MSI2: variants seen among roughly 807,000 people sequenced by gnomAD.
MSI2 encodes musashi RNA binding protein 2, also known as RNA-binding protein Musashi homolog 2.
Under a neutral mutation model 45.6 loss-of-function variants are expected in MSI2, and 17 were observed. That is an observed-to-expected ratio of 0.37 (90% CI 0.26 to 0.56). MSI2 has a LOEUF of 0.56. MSI2 is among the 20% of genes least tolerant of loss of function. MSI2 has a pLI of 0.77. For missense variants in MSI2, 293 were observed against 444.2 expected (o/e 0.66, Z 3.06); for synonymous variants, 156 against 158.2 (o/e 0.99, Z 0.11).
At chr17:57,517,301 T>G (rs1453549687) in intron 6 of MSI2, among the ~76,000 whole-genome samples, 2 of 152,194 alleles carry the variant, frequency 1.3e-5, no homozygotes, top group Non-Finnish European at 2.9e-5. Context: ...TTGGATGTCA[T>G]CAAAGCCCCA....
chr17:57,557,415 G>T (rs917980865), intron 7 of MSI2, among the ~76,000 whole-genome samples: 2 of 152,228 alleles, frequency 1.3e-5, no homozygotes, highest in Non-Finnish European at 2.9e-5. Context: ...AGGGGCCAAA[G>T]CCCCCTTTCC....
intron 5 of MSI2, among the ~76,000 whole-genome samples, chr17:57,332,939 C>T (rs1427621387): frequency 6.6e-6 from 1 of 151,986 alleles, no homozygotes; most frequent in African/African-American, 2.4e-5. Flanking sequence ...GCAGGAGAAT[C>T]GCTTGAACCT....
chr17:57,270,229 C>T (rs1199310647), intron 5 of MSI2, among the ~76,000 whole-genome samples: 2 of 152,162 alleles, frequency 1.3e-5, no homozygotes, highest in Admixed American at 6.5e-5. Flanking sequence ...TACACTTAGT[C>T]TTCTTTAATC....
chr17:57,340,463 AAT>A (rs2143785354), intron 5 of MSI2, among the ~76,000 whole-genome samples: 1 of 152,304 alleles, frequency 6.6e-6, no homozygotes, highest in South Asian at 2.1e-4. Flanking sequence ...GGCACTAACA[AAT>A]ATTAGTTCCT....
At chr17:57,499,414 G>GT (rs1335855740) in intron 6 of MSI2, among the ~76,000 whole-genome samples, 1 of 148,256 alleles carries the variant, frequency 6.7e-6, no homozygotes, top group East Asian at 2.0e-4. Flanking sequence ...GGGCAATTCT[G>GT]TATGCATTCT....
At chr17:57,402,018 C>G (rs1029359939) in intron 6 of MSI2, among the ~76,000 whole-genome samples, 4 of 152,176 alleles carry the variant, frequency 2.6e-5, no homozygotes, top group African/African-American at 7.2e-5. Flanking sequence ...AAAATTACCC[C>G]CTGGGCTCTG....
intron 11 of MSI2, among the ~76,000 whole-genome samples, chr17:57,657,213 C>T (rs952755903): frequency 3.9e-5 from 6 of 152,144 alleles, no homozygotes; most frequent in Admixed American, 6.5e-5. Context: ...TCGGAATGAA[C>T]AAGGATTGAA....
chr17:57,565,078 AC>A lies in MSI2; in HGVS notation c.455-31789del, dbSNP rs773979333. On this transcript the variant is annotated intron_variant, in intron 7 of 13. Transcript: ENST00000284073. ...CAGATGAGGAAACTGAGACTCAGAG[AC>A]ATGGTTACTTGCTGAAGACACAGAA... Among the ~76,000 whole-genome samples the A allele has an allele frequency of 2.2e-4, 34 of 152,310 alleles. 1 individual carries two copies. The East Asian group carries it at 3.3e-3, about 15-fold the overall frequency.
intron 5 of MSI2, among the ~76,000 whole-genome samples, chr17:57,350,602 C>T (rs1378830704): frequency 6.6e-6 from 1 of 152,142 alleles, no homozygotes; most frequent in African/African-American, 2.4e-5. Flanking sequence ...ACTGGCAGTG[C>T]CCTGATCACA....
At chr17:57,615,932 T>G in intron 8 of MSI2, 38 bp from the exon 9 acceptor site, 1 of 1,475,354 alleles carries the variant, frequency 6.8e-7, no homozygotes, top group Non-Finnish European at 9.5e-7. Flanking sequence ...TACGTGGAAT[T>G]CATTTGCATC....
At chr17:57,521,028 TA>T (rs1486473575) in intron 6 of MSI2, among the ~76,000 whole-genome samples, 2 of 152,118 alleles carry the variant, frequency 1.3e-5, no homozygotes, top group African/African-American at 4.8e-5. Flanking sequence ...GGGTTCAAAT[TA>T]AAATAAACAG....
intron 6 of MSI2, among the ~76,000 whole-genome samples, chr17:57,425,321 C>T (rs553590917): frequency 2.0e-5 from 3 of 152,192 alleles, no homozygotes; most frequent in East Asian, 1.9e-4. Flanking sequence ...TGTTTAAAAA[C>T]GAAAAGACAT....
In MSI2 at chr17:57,442,124, C is replaced by T. The variant is rs186851888; in HGVS notation, c.405+40653C>T. ...CGATCTCGGCTCACTGGGTCCTCCA[C>T]CTCCCGGGTTCAAGCGATTCTCCTG... is the stretch of plus-strand genomic sequence containing the variant. On this transcript the variant is annotated intron_variant, in intron 6 of 13. Coordinates refer to ENST00000284073, the MANE Select transcript of MSI2 (RefSeq NM_138962.4). Among the ~76,000 whole-genome samples the T allele has an allele frequency of 9.7e-4, 148 of 151,812 alleles. 1 individual carries two copies. Among genetic ancestry groups the T allele is most frequent in the East Asian group, 1.9e-4 (1 of 5,136 alleles).
At chr17:57,567,902 T>A (rs1229293663) in intron 7 of MSI2, among the ~76,000 whole-genome samples, 2 of 152,234 alleles carry the variant, frequency 1.3e-5, no homozygotes, top group African/African-American at 4.8e-5. Context: ...TAGCTTACAA[T>A]AAATACCTTT....
chr17:57,467,838 G>A lies in MSI2; in HGVS notation c.406-61838G>A, dbSNP rs561935471. Reference sequence around the variant, plus strand: ...TCTCTTTAAAAGCATAGGGTTGCACGTATATGGCCCACCCCCCACCCCTTC... The same window carrying A: ...TCTCTTTAAAAGCATAGGGTTGCACATATATGGCCCACCCCCCACCCCTTC... On this transcript the variant is annotated intron_variant, in intron 6 of 13. Transcript: ENST00000284073. 9.5e-5 allele frequency among the ~76,000 whole-genome samples: 14 copies of A among 146,824 alleles called. No homozygotes were observed. In the South Asian group the frequency reaches 1.6e-3, roughly 17 times the overall value.
intron 5 of MSI2, among the ~76,000 whole-genome samples, chr17:57,342,266 C>T (rs554114589): frequency 6.6e-6 from 1 of 152,244 alleles, no homozygotes; most frequent in Admixed American, 6.5e-5. Flanking sequence ...GACATCCGGT[C>T]CCTCCATCAG....
At chr17:57,330,910 CTT>C (rs375960048) in intron 5 of MSI2, among the ~76,000 whole-genome samples, 1 of 144,906 alleles carries the variant, frequency 6.9e-6, no homozygotes, top group Non-Finnish European at 1.5e-5. Flanking sequence ...AGGTTTTATT[CTT>C]TTTTTTTGTG....
chr17:57,299,930 C>A (rs1460209899), intron 5 of MSI2, among the ~76,000 whole-genome samples: 2 of 152,310 alleles, frequency 1.3e-5, no homozygotes, highest in Admixed American at 6.5e-5. Flanking sequence ...CTAGGGAGGG[C>A]AGATTATTTC....
chr17:57,403,794 A>G (rs2084034447), intron 6 of MSI2, among the ~76,000 whole-genome samples: 1 of 152,214 alleles, frequency 6.6e-6, no homozygotes, highest in Non-Finnish European at 1.5e-5. Context: ...GATCAAAGTC[A>G]GGGAGACTCT....
Sources: gnomAD v4.1 joint callset for allele counts (sites outside exome capture counted in the v4.1 genomes callset) on GRCh38, gnomAD v4.1.1 for gene constraint, MANE v1.5 for transcripts, NCBI Gene and HGNC (gene_info 2026-07-23, HGNC 2026-07-21) for gene names.